Variants in ARHGAP15 observed in about 807,000 individuals in gnomAD.
The protein encoded by ARHGAP15 is Rho GTPase activating protein 15, also known as rho GTPase-activating protein 15.
In ARHGAP15, 51 loss-of-function variants were observed where a neutral mutation model predicts 63.7. That is an observed-to-expected ratio of 0.80 (90% CI 0.64 to 1.01). ARHGAP15 has a LOEUF of 1.01. Ranked by LOEUF, ARHGAP15 falls within the 50% of genes least tolerant of loss-of-function variation. The pLI is 0.00. For synonymous variants in ARHGAP15, 191 were observed against 193.8 expected (o/e 0.99, Z 0.12); for missense variants, 560 against 564.6 (o/e 0.99, Z 0.08).
intron 6 of ARHGAP15, among the ~76,000 whole-genome samples, chr2:143,331,731 A>G (rs1404206478): frequency 1.3e-5 from 2 of 152,188 alleles, no homozygotes; most frequent in African/African-American, 4.8e-5. Context: ...TACTTTAGAA[A>G]GGCTAAGATT....
intron 11 of ARHGAP15, among the ~76,000 whole-genome samples, chr2:143,565,348 A>G (rs1205751655): frequency 6.6e-6 from 1 of 152,182 alleles, no homozygotes; most frequent in Non-Finnish European, 1.5e-5. Flanking sequence ...CTTTTAATAA[A>G]TAACCCCCAA....
intron 11 of ARHGAP15, among the ~76,000 whole-genome samples, chr2:143,623,894 C>T (rs572486317): frequency 6.6e-6 from 1 of 152,326 alleles, no homozygotes; most frequent in East Asian, 1.9e-4. Flanking sequence ...GTGTCAATGG[C>T]ACTGTCTCTT....
intron 12 of ARHGAP15, among the ~76,000 whole-genome samples, chr2:143,626,222 CT>C (rs1698830641): frequency 6.6e-6 from 1 of 152,224 alleles, no homozygotes; most frequent in South Asian, 2.1e-4. Context: ...AAGAAAGTGC[CT>C]AAGAAAGTCT....
chr2:143,570,573 A>C (rs928165210), intron 11 of ARHGAP15, among the ~76,000 whole-genome samples: 1 of 152,198 alleles, frequency 6.6e-6, no homozygotes, highest in Non-Finnish European at 1.5e-5. Context: ...TTTTTTATTA[A>C]AGAAGGTGAG....
chr2:143,133,556 A>G (rs1357133665), intron 1 of ARHGAP15, among the ~76,000 whole-genome samples: 1 of 152,202 alleles, frequency 6.6e-6, no homozygotes, highest in African/African-American at 2.4e-5. Flanking sequence ...AAGGACAGGC[A>G]CTGACTTACC....
At chr2:143,169,151 A>G (rs1375974672) in intron 2 of ARHGAP15, among the ~76,000 whole-genome samples, 1 of 152,040 alleles carries the variant, frequency 6.6e-6, no homozygotes, top group African/African-American at 2.4e-5. Context: ...GAGCTGACAT[A>G]TTGACATTCT....
At chr2:143,268,565 GA>G (rs1179306062) in intron 6 of ARHGAP15, among the ~76,000 whole-genome samples, 1 of 152,072 alleles carries the variant, frequency 6.6e-6, no homozygotes, top group African/African-American at 2.4e-5. Context: ...GAAAGTCAAG[GA>G]AAAACTCATT....
chr2:143,398,446 A>C (rs1312135440), intron 6 of ARHGAP15, among the ~76,000 whole-genome samples: 1 of 152,060 alleles, frequency 6.6e-6, no homozygotes, highest in Non-Finnish European at 1.5e-5. Context: ...ACTGAGGCAC[A>C]CTCAGTTCAT....
intron 11 of ARHGAP15, chr2:143,593,162 C>T (rs1168641074): frequency 6.6e-6 from 1 of 152,194 alleles, no homozygotes; most frequent in African/African-American, 2.4e-5. Context: ...TCACACAGGA[C>T]TCATTGGCGT....
intron 8 of ARHGAP15, among the ~76,000 whole-genome samples, chr2:143,483,215 A>C (rs963050744): frequency 1.3e-5 from 2 of 152,244 alleles, no homozygotes; most frequent in African/African-American, 2.4e-5. Flanking sequence ...ATACATATAT[A>C]TCTCTCTAAT....
chr2:143,768,299 T>A lies in ARHGAP15; in HGVS notation c.*127T>A. 2.3e-6 allele frequency: 2 copies of A among 878,478 alleles called. No homozygotes were observed. Among genetic ancestry groups the A allele is most frequent in the Non-Finnish European group, 3.4e-6 (2 of 582,360 alleles). The allele number at this position is 878,478 out of a possible 1,614,324, so 54.4% of individuals were successfully genotyped here. A position where few individuals can be genotyped will look rare whatever the true frequency, so the allele number is the denominator to read the frequency against. On this transcript the variant is annotated 3_prime_UTR_variant, in exon 14 of 14. Coordinates refer to ENST00000295095, the MANE Select transcript of ARHGAP15 (RefSeq NM_018460.4). Reference sequence around the variant, plus strand: ...ACAGATGCCTCATTTTGTGAAAACTTAATGATGATTTTGTGTTTAAGTTCC... The same window carrying A: ...ACAGATGCCTCATTTTGTGAAAACTAAATGATGATTTTGTGTTTAAGTTCC...
chr2:143,693,723 A>G (rs1291473657), intron 12 of ARHGAP15, among the ~76,000 whole-genome samples: 2 of 152,210 alleles, frequency 1.3e-5, no homozygotes, highest in Non-Finnish European at 2.9e-5. Flanking sequence ...TAGGACGTTG[A>G]TAGTTAGGGA....
intron 6 of ARHGAP15, among the ~76,000 whole-genome samples, chr2:143,346,543 G>C (rs1685308948): frequency 6.6e-6 from 1 of 152,042 alleles, no homozygotes; most frequent in South Asian, 2.1e-4. Flanking sequence ...GTTAGCTGCA[G>C]CATCAAGTAA....
intron 13 of ARHGAP15, among the ~76,000 whole-genome samples, chr2:143,730,288 A>C (rs1409567188): frequency 6.6e-6 from 1 of 152,166 alleles, no homozygotes; most frequent in East Asian, 1.9e-4. Context: ...TTGTCCCTAG[A>C]GCTGGAGGCT....
At chr2:143,207,720 T>C (rs1374740998) in intron 3 of ARHGAP15, among the ~76,000 whole-genome samples, 1 of 152,146 alleles carries the variant, frequency 6.6e-6, no homozygotes, top group Admixed American at 6.6e-5. Flanking sequence ...AGAAACATTA[T>C]CTTCATCCCA....
intron 12 of ARHGAP15, among the ~76,000 whole-genome samples, chr2:143,685,205 G>A (rs988502222): frequency 2.0e-5 from 3 of 152,054 alleles, no homozygotes; most frequent in Non-Finnish European, 4.4e-5. Context: ...CATGGGGGAG[G>A]CCTAACACAT....
chr2:143,471,716 G>A (rs1041616750), intron 8 of ARHGAP15, among the ~76,000 whole-genome samples: 1 of 152,126 alleles, frequency 6.6e-6, no homozygotes, highest in Admixed American at 6.6e-5. Flanking sequence ...ACCTGAGGCA[G>A]GATGTGCTCA....
At chr2:143,496,963 C>A (rs191801703) in intron 9 of ARHGAP15, among the ~76,000 whole-genome samples, 1 of 152,242 alleles carries the variant, frequency 6.6e-6, no homozygotes, top group East Asian at 1.9e-4. Flanking sequence ...TTCTGGCATG[C>A]CCTATAGGGT....
Position 143,519,281 on chromosome 2 carries a change from C to G in ARHGAP15, c.842C>G (p.Ser281Cys), listed in dbSNP as rs1052913113. 6.2e-7 allele frequency: 1 copy of G among 1,612,756 alleles called. No individual in the cohort carries two copies. The highest frequency in any genetic ancestry group is 8.5e-7 in the Non-Finnish European group (1 of 1,179,040). Residue 281 changes from serine (S) to cysteine (C), a missense_variant, in exon 10 of 14, where the codon TCT (serine) becomes TGT (cysteine). Coordinates refer to ENST00000295095, the MANE Select transcript of ARHGAP15 (RefSeq NM_018460.4). ...KGLIKDQIFG[S>C]HLHKVCEREN... Reference sequence around the variant, plus strand: ...TCTTTTGCAGATCAAATTTTTGGCTCTCATCTGCACAAAGTGTGTGAACGT... The same window carrying G: ...TCTTTTGCAGATCAAATTTTTGGCTGTCATCTGCACAAAGTGTGTGAACGT...
Sources: allele counts gnomAD v4.1 joint callset (sites outside exome capture counted in the v4.1 genomes callset), GRCh38; gene constraint gnomAD v4.1.1; transcripts MANE v1.5; gene names NCBI Gene and HGNC (gene_info 2026-07-23, HGNC 2026-07-21).